The following RGS5 variants were observed in gnomAD, a reference collection of about 807,000 sequenced individuals.
The protein encoded by RGS5 is regulator of G-protein signalling 5.
In RGS5, 20 loss-of-function variants were observed where a neutral mutation model predicts 18.9. The observed-to-expected ratio is 1.06, with a 90% CI of 0.74 to 1.54. The LOEUF is 1.54. Among genes scored for constraint, RGS5 ranks in the 40% most tolerant of loss-of-function variants. RGS5 has a pLI of 0.00. For missense variants in RGS5, 201 were observed against 211.8 expected (o/e 0.95, Z 0.32); for synonymous variants, 57 against 76.2 (o/e 0.75, Z 1.31).
At chr1:163,198,614 G>C (rs1557901728) in intron 1 of RGS5, among the ~76,000 whole-genome samples, 1 of 152,116 alleles carries the variant, frequency 6.6e-6, no homozygotes, top group African/African-American at 2.4e-5. Flanking sequence ...TCAATTATTA[G>C]TATTATCAGT....
At chr1:163,284,826 TTTCAAG>T (rs894398536) in intron 2 of RGS5, among the ~76,000 whole-genome samples, 8 of 151,710 alleles carry the variant, frequency 5.3e-5, no homozygotes, top group African/African-American at 1.9e-4. Flanking sequence ...TCATTATTTC[TTTCAAG>T]TTCAAGTTAT....
intron 2 of RGS5, among the ~76,000 whole-genome samples, chr1:163,164,913 T>A (rs1226028847): frequency 6.6e-6 from 1 of 152,238 alleles, no homozygotes; most frequent in Non-Finnish European, 1.5e-5. Flanking sequence ...TACACATTGG[T>A]GCTCTTAACA....
intron 1 of RGS5, among the ~76,000 whole-genome samples, chr1:163,190,759 C>T (rs184479593): frequency 2.9e-4 from 44 of 152,250 alleles, no homozygotes; most frequent in Admixed American, 2.4e-3. Context: ...CTAGCAATGA[C>T]GGAAGAATTT....
intron 1 of RGS5, chr1:163,321,495 C>T (rs1048769899): frequency 5.3e-5 from 8 of 152,178 alleles, no homozygotes; most frequent in Non-Finnish European, 8.8e-5. Flanking sequence ...ATGATAGTAT[C>T]TCTCCACTAT....
rs1038750376 is a variant in RGS5 at position 163,160,962 on chromosome 1, T to C, written c.217+953A>G. ...CCGTTTGTGAGTTTATAACCTATCA[T>C]AGAAGTGAGCCAACTATGAACAGAA... On this transcript the variant is annotated intron_variant, in intron 3 of 4. Transcript: ENST00000313961. Among the ~76,000 whole-genome samples the C allele has an allele frequency of 9.2e-5, 14 of 152,356 alleles. No individual in the cohort carries two copies. In the East Asian group the frequency reaches 1.9e-3, roughly 21 times the overall value.
At chr1:163,222,296 C>A (rs1252027685), upstream of RGS5, among the ~76,000 whole-genome samples, 1 of 152,120 alleles carries the variant, frequency 6.6e-6, no homozygotes, top group African/African-American at 2.4e-5. Flanking sequence ...CTATTGTGAA[C>A]TGTGCATGCG....
intron 1 of RGS5, among the ~76,000 whole-genome samples, chr1:163,195,282 G>C (rs1659518262): frequency 6.6e-6 from 1 of 152,146 alleles, no homozygotes; most frequent in Non-Finnish European, 1.5e-5. Context: ...CAGCAACTTG[G>C]ATGGAGCTGG....
intron 1 of RGS5, among the ~76,000 whole-genome samples, chr1:163,199,865 G>A (rs1414212276): frequency 6.6e-6 from 1 of 152,016 alleles, no homozygotes; most frequent in Non-Finnish European, 1.5e-5. Flanking sequence ...GGGGTACAGT[G>A]GTGCAATATG....
chr1:163,155,003 T>C (rs143752914), intron 3 of RGS5, among the ~76,000 whole-genome samples: 1 of 152,156 alleles, frequency 6.6e-6, no homozygotes, highest in African/African-American at 2.4e-5. Flanking sequence ...GTCCATTGTT[T>C]CTTAAACAAA....
chr1:163,170,004 C>A (rs1176930810), intron 1 of RGS5, among the ~76,000 whole-genome samples: 1 of 152,146 alleles, frequency 6.6e-6, no homozygotes, highest in African/African-American at 2.4e-5. Flanking sequence ...CGGGATGCAA[C>A]TATTTTCACG....
At chr1:163,230,359 C>T (rs532080327) in intron 2 of RGS5, among the ~76,000 whole-genome samples, 1 of 152,140 alleles carries the variant, frequency 6.6e-6, no homozygotes, top group Non-Finnish European at 1.5e-5. Context: ...CCTATTTTCT[C>T]CCCTATTAGC....
At chr1:163,192,117 C>T (rs184794895) in intron 1 of RGS5, among the ~76,000 whole-genome samples, 50 of 152,156 alleles carry the variant, frequency 3.3e-4, no homozygotes, top group Non-Finnish European at 5.6e-4. Context: ...ATAGCCTTTA[C>T]GATAAATCAG....
intron 1 of RGS5, among the ~76,000 whole-genome samples, chr1:163,315,303 T>A (rs1375727370): frequency 6.6e-6 from 1 of 152,214 alleles, no homozygotes; most frequent in Non-Finnish European, 1.5e-5. Flanking sequence ...ATTCCTGTAA[T>A]TCCAGCACTT....
At chr1:163,208,978 G>A (rs1386729809) in intron 1 of RGS5, among the ~76,000 whole-genome samples, 1 of 152,008 alleles carries the variant, frequency 6.6e-6, no homozygotes, top group Non-Finnish European at 1.5e-5. Flanking sequence ...TGCTAATAGA[G>A]AATCTAACTT....
At chr1:163,203,966 C>T (rs557021849), upstream of RGS5, among the ~76,000 whole-genome samples, 12 of 152,144 alleles carry the variant, frequency 7.9e-5, no homozygotes, top group African/African-American at 1.9e-4. Context: ...CTGAATAATC[C>T]GTAAGAAAAG....
intron 1 of RGS5, among the ~76,000 whole-genome samples, chr1:163,183,656 A>C (rs892050700): frequency 1.3e-5 from 2 of 152,238 alleles, no homozygotes; most frequent in Non-Finnish European, 2.9e-5. Context: ...GAATTAAATT[A>C]GATAATATCA....
chr1:163,184,381 C>T (rs1342615453), intron 1 of RGS5, among the ~76,000 whole-genome samples: 1 of 148,904 alleles, frequency 6.7e-6, no homozygotes, highest in African/African-American at 2.5e-5. Context: ...AGGAAGCTTT[C>T]CTGACCACCC....
chr1:163,188,977 A>G (rs1218583384), intron 1 of RGS5, among the ~76,000 whole-genome samples: 1 of 145,312 alleles, frequency 6.9e-6, no homozygotes, highest in Non-Finnish European at 1.5e-5. Flanking sequence ...AAAAAAAGCT[A>G]CTGTAAGGTT....
At chr1:163,318,783 T>A (rs1650098029) in intron 1 of RGS5, 1 of 151,354 alleles carries the variant, frequency 6.6e-6, no homozygotes, top group Non-Finnish European at 1.5e-5. Context: ...AAAAGAGAGG[T>A]CTAGAACAAG....
Sources: gnomAD v4.1 joint callset for allele counts (sites outside exome capture counted in the v4.1 genomes callset) on GRCh38, gnomAD v4.1.1 for gene constraint, MANE v1.5 for transcripts, NCBI Gene and HGNC (gene_info 2026-07-23, HGNC 2026-07-21) for gene names.